The following DNAI7 variants were observed in gnomAD, a reference collection of about 807,000 sequenced individuals.
DNAI7 encodes the protein dynein axonemal intermediate chain 7, also known as cancer susceptibility 1.
In DNAI7, 78 loss-of-function variants were observed where a neutral mutation model predicts 86.6. The ratio of observed to expected loss-of-function variants is 0.90; its 90% CI spans 0.75 to 1.09. The LOEUF is 1.09. Among genes scored for constraint, DNAI7 ranks in the 50% least tolerant of loss-of-function variants. DNAI7 has a pLI of 0.00. For missense variants in DNAI7, 753 were observed against 810.2 expected (o/e 0.93, Z 0.86); for synonymous variants, 274 against 273.0 (o/e 1.00, Z -0.04).
Position 25,149,646 on chromosome 12 carries a change from G to A in DNAI7, c.567C>T (p.Ala189=), listed in dbSNP as rs368047177. The A allele has an allele frequency of 1.2e-6, 2 of 1,606,096 alleles. No homozygotes were observed. The highest frequency in any genetic ancestry group is 1.7e-5 in the Admixed American group (1 of 59,070). ...QELLHLKFGV[A]TEILLKQAST... The stretch of plus-strand genomic sequence containing the variant: ...CACTTACTTTGAGAAGTATTTCTGT[G>A]GCTACACCGAATTTAAGATGAAGGA... The change falls in exon 7 of 16, where the codon GCC becomes GCT. Residue 189 remains alanine, a synonymous_variant. Transcript: ENST00000395987.
intron 3 of DNAI7, among the ~76,000 whole-genome samples, chr12:25,159,052 G>A (rs1946541545): frequency 6.6e-6 from 1 of 152,200 alleles, no homozygotes; most frequent in Admixed American, 6.5e-5. Flanking sequence ...TCTAGAACTA[G>A]AAATACCATT....
intron 9 of DNAI7, among the ~76,000 whole-genome samples, chr12:25,142,961 A>G (rs1233419435): frequency 1.3e-5 from 2 of 152,172 alleles, no homozygotes; most frequent in Non-Finnish European, 2.9e-5. Flanking sequence ...TGGAAATACT[A>G]TTGTCTCTAG....
Position 25,161,210 on chromosome 12 carries a change from C to T in DNAI7, c.22-13G>A, listed in dbSNP as rs2141029342. 2 of 1,609,586 alleles carry T rather than the reference C, an allele frequency of 1.2e-6. No individual in the cohort carries two copies. Among genetic ancestry groups the T allele is most frequent in the East Asian group, 4.5e-5 (2 of 44,764 alleles). On this transcript the variant is annotated splice_polypyrimidine_tract_variant and intron_variant, in intron 2 of 15. Transcript: ENST00000395987. ...TCTTACTGCCAGACTTAACAAAGGCCACATCATAAAAAAGGCTATTAACAT... is the reference window on the plus strand; with the variant it reads ...TCTTACTGCCAGACTTAACAAAGGCTACATCATAAAAAAGGCTATTAACAT...
At chr12:25,155,667 C>T (rs998047793) in intron 4 of DNAI7, among the ~76,000 whole-genome samples, 2 of 152,158 alleles carry the variant, frequency 1.3e-5, no homozygotes, top group African/African-American at 2.4e-5. Flanking sequence ...ATAATACTAA[C>T]ATTATTTGAC....
At chr12:25,107,397 C>T (rs1280513315), downstream of DNAI7, among the ~76,000 whole-genome samples, 1 of 152,158 alleles carries the variant, frequency 6.6e-6, no homozygotes, top group Non-Finnish European at 1.5e-5. Context: ...CAGCTTCAGG[C>T]ATCCACTGGA....
At position 25,114,694 on chromosome 12, in the gene DNAI7, C is replaced by T; in HGVS notation, c.1573G>A (p.Val525Met). 1 of 1,613,190 alleles carries T rather than the reference C, an allele frequency of 6.2e-7. No individual in the cohort carries two copies. Among genetic ancestry groups the T allele is most frequent in the Non-Finnish European group, 8.5e-7 (1 of 1,179,220 alleles). The change falls in exon 13 of 16, where the codon GTG (valine) becomes ATG (methionine). Residue 525 changes from valine (V) to methionine (M), a missense_variant. Val to Met is a conservative substitution (Grantham distance 21). Coordinates refer to ENST00000395987, the MANE Select transcript of DNAI7 (RefSeq NM_018272.5). ...PLDVNKVLLT[V>M]TTVFTEIQIQ... Reference sequence around the variant, plus strand: ...TGAATCTCAGTAAATACTGTAGTCACAGTTAAAAGTACTTTATTTACATCA... The same window carrying T: ...TGAATCTCAGTAAATACTGTAGTCATAGTTAAAAGTACTTTATTTACATCA...
intron 1 of DNAI7, among the ~76,000 whole-genome samples, chr12:25,191,183 C>T (rs1377764023): frequency 3.3e-5 from 5 of 152,108 alleles, no homozygotes; most frequent in Admixed American, 2.6e-4. Flanking sequence ...GAGGCCAAGG[C>T]GGGAGGATCA....
intron 6 of DNAI7, among the ~76,000 whole-genome samples, chr12:25,150,601 CAAAAAAAAAAAAA>C (rs58511191): frequency 2.2e-5 from 2 of 89,008 alleles, no homozygotes; most frequent in Non-Finnish European, 4.2e-5. Flanking sequence ...GACTCTGTCT[CAAAAAAAAAAAAA>C]AAAAAAAAAA....
chr12:25,144,796 A>G, intron 8 of DNAI7, 119 bp from the exon 9 acceptor site: 1 of 750,470 alleles, frequency 1.3e-6, no homozygotes, highest in African/African-American at 1.8e-5. Flanking sequence ...TTTGACTCTG[A>G]TCATATGTGC....
At chr12:25,174,626 G>T (rs1199915830) in intron 2 of DNAI7, among the ~76,000 whole-genome samples, 8 of 74,444 alleles carry the variant, frequency 1.1e-4, no homozygotes, top group South Asian at 4.0e-4. Flanking sequence ...ATATATATGG[G>T]ATATATATCA....
intron 6 of DNAI7, among the ~76,000 whole-genome samples, chr12:25,153,260 A>G (rs147178907): frequency 3.0e-3 from 458 of 152,172 alleles, no homozygotes; most frequent in Non-Finnish European, 4.5e-3. Flanking sequence ...CATTTCTACT[A>G]AAAATACAAA....
chr12:25,110,296 C>A, intron 14 of DNAI7, 56 bp from the exon 15 acceptor site: 1 of 954,830 alleles, frequency 1.0e-6, no homozygotes, highest in Non-Finnish European at 1.7e-6. Context: ...AAGTCTTCCT[C>A]CATCTTTGGC....
chr12:25,141,050 C>A (rs994455384), intron 9 of DNAI7, among the ~76,000 whole-genome samples: 25 of 152,098 alleles, frequency 1.6e-4, no homozygotes, highest in African/African-American at 3.6e-4. Flanking sequence ...TCACCTTATA[C>A]AAAAATCAAC....
intron 9 of DNAI7, among the ~76,000 whole-genome samples, chr12:25,143,598 T>C (rs1173406566): frequency 2.0e-5 from 3 of 152,232 alleles, no homozygotes; most frequent in South Asian, 4.1e-4. Context: ...TATCTAATAA[T>C]TCCTATTCTG....
chr12:25,157,487 T>C (rs1051729561), intron 4 of DNAI7, among the ~76,000 whole-genome samples: 3 of 152,110 alleles, frequency 2.0e-5, no homozygotes, highest in African/African-American at 7.2e-5. Flanking sequence ...AAGTCAGATA[T>C]CAAATAAATT....
intron 9 of DNAI7, among the ~76,000 whole-genome samples, chr12:25,138,922 G>GT (rs1346363047): frequency 6.6e-6 from 1 of 151,392 alleles, no homozygotes; most frequent in Non-Finnish European, 1.5e-5. Context: ...TAAAAATCTG[G>GT]TTTTTTGAAA....
chr12:25,194,517 CAT>C (rs1353054627), intron 1 of DNAI7, among the ~76,000 whole-genome samples: 1 of 152,204 alleles, frequency 6.6e-6, no homozygotes. Context: ...CTCATAGCTA[CAT>C]GTTGGCCTGT....
chr12:25,137,018 G>T (rs1453945548), intron 9 of DNAI7, among the ~76,000 whole-genome samples: 1 of 152,082 alleles, frequency 6.6e-6, no homozygotes, highest in African/African-American at 2.4e-5. Flanking sequence ...AAACTTCCCT[G>T]GTTTTTGCCA....
chr12:25,136,856 CAAAGAAA>C (rs978860862), intron 9 of DNAI7, among the ~76,000 whole-genome samples: 9 of 151,920 alleles, frequency 5.9e-5, no homozygotes, highest in African/African-American at 2.2e-4. Context: ...CCCAACCCAA[CAAAGAAA>C]AAGAAAAAAG....
Sources: allele counts gnomAD v4.1 joint callset (sites outside exome capture counted in the v4.1 genomes callset), GRCh38; gene constraint gnomAD v4.1.1; transcripts MANE v1.5; gene names NCBI Gene and HGNC (gene_info 2026-07-23, HGNC 2026-07-21).